Variants in HLCS observed in about 807,000 individuals in gnomAD.
The protein encoded by HLCS is holocarboxylase synthetase.
A neutral mutation model predicts 75.0 loss-of-function variants in HLCS; 53 were observed. That is an observed-to-expected ratio of 0.71 (90% CI 0.57 to 0.89). The LOEUF (loss-of-function observed/expected upper bound fraction) is 0.89, where lower values mean the gene tolerates loss of function less well. Among genes scored for constraint, HLCS ranks in the 40% least tolerant of loss-of-function variants. HLCS has a pLI of 0.00. For missense variants in HLCS, 966 were observed against 1,074.0 expected (o/e 0.90, Z 1.41); for synonymous variants, 431 against 428.6 (o/e 1.01, Z -0.07).
chr21:36,930,106 C>G, intron 5 of HLCS, 145 bp downstream of exon 5: 1 of 757,642 alleles, frequency 1.3e-6, no homozygotes, highest in East Asian at 2.6e-5. Context: ...AATATTTGCA[C>G]ATCTTGAAGA....
chr21:36,756,275 A>C (rs1301142899), intron 10 of HLCS, among the ~76,000 whole-genome samples: 1 of 148,356 alleles, frequency 6.7e-6, no homozygotes, highest in African/African-American at 2.6e-5. Flanking sequence ...CACCTCCACT[A>C]AAAATACAAA....
chr21:36,952,789 CAA>C (rs35700333), intron 2 of HLCS, among the ~76,000 whole-genome samples: 29 of 48,866 alleles, frequency 5.9e-4, no homozygotes, highest in African/African-American at 1.5e-3. Context: ...GACTCCGTCT[CAA>C]AAAAAAAAAA....
chr21:36,773,123 A>G (rs1042429235), intron 6 of HLCS, among the ~76,000 whole-genome samples: 7 of 152,208 alleles, frequency 4.6e-5, no homozygotes, highest in Admixed American at 3.9e-4. Context: ...GAATTTTCCA[A>G]TATTTTTATA....
At chr21:36,947,336 A>C (rs1474149446) in intron 2 of HLCS, 2 of 985,356 alleles carry the variant, frequency 2.0e-6, no homozygotes, top group Non-Finnish European at 2.4e-6. Flanking sequence ...TCCTCACCTA[A>C]GTGCATTTCC....
chr21:36,798,414 T>C (rs557717350), intron 6 of HLCS, among the ~76,000 whole-genome samples: 2 of 152,356 alleles, frequency 1.3e-5, no homozygotes, highest in East Asian at 3.9e-4. Context: ...ATGATGACTA[T>C]TTATGTTGTT....
intron 5 of HLCS, among the ~76,000 whole-genome samples, chr21:36,909,193 T>C (rs944447062): frequency 6.6e-6 from 1 of 151,900 alleles, no homozygotes; most frequent in Admixed American, 6.6e-5. Flanking sequence ...CGAGACTCCA[T>C]CTCAAAAAAA....
intron 6 of HLCS, among the ~76,000 whole-genome samples, chr21:36,848,268 G>GT (rs1434350930): frequency 7.4e-4 from 98 of 132,796 alleles, no homozygotes; most frequent in Non-Finnish European, 1.3e-3. Flanking sequence ...CCACATAATT[G>GT]TTGTTTTTTT....
rs1306635053 is a variant in HLCS, at chr21:36,756,668, A to G, written c.2324T>C (p.Leu775Pro). The change falls in exon 10 of 11, where the codon CTG (leucine) becomes CCG (proline). Residue 775 changes from leucine to proline, a missense_variant. Physicochemically the swap from Leu to Pro is moderately conservative, Grantham distance 98. Transcript: ENST00000674895. ...GAGATAATCGGCTCTTAAGGGCTTC[A>G]GTTCTGCCTTGTGTTGTTTATTGTA... Reference protein sequence around the residue: ...TEYNKQHKAELKPLRADYLIA... With the variant: ...TEYNKQHKAEPKPLRADYLIA... 6.2e-7 allele frequency: 1 copy of G among 1,614,020 alleles called. No homozygotes were observed. Among genetic ancestry groups the G allele is most frequent in the Non-Finnish European group, 8.5e-7 (1 of 1,180,046 alleles).
intron 6 of HLCS, 49 bp from the exon 7 acceptor site, chr21:36,767,334 C>A (rs752228732): frequency 3.2e-6 from 5 of 1,550,298 alleles, no homozygotes; most frequent in Non-Finnish European, 8.9e-7. Flanking sequence ...GACACGCCCG[C>A]GGCACCAATG....
intron 6 of HLCS, among the ~76,000 whole-genome samples, chr21:36,859,264 GC>G (rs1279369228): frequency 6.6e-6 from 1 of 152,066 alleles, no homozygotes; most frequent in African/African-American, 2.4e-5. Context: ...CTCGTGATCT[GC>G]CCCGCTTGGC....
At chr21:36,788,223 G>A (rs934475764) in intron 6 of HLCS, among the ~76,000 whole-genome samples, 1 of 152,188 alleles carries the variant, frequency 6.6e-6, no homozygotes, top group Non-Finnish European at 1.5e-5. Context: ...TAAGGGGCAC[G>A]TGCCACTGGC....
chr21:36,895,246 C>G (rs915443877), intron 6 of HLCS, among the ~76,000 whole-genome samples: 2 of 152,240 alleles, frequency 1.3e-5, no homozygotes, highest in Non-Finnish European at 2.9e-5. Context: ...AATAACTTGT[C>G]TCATTTTTTT....
chr21:36,957,838 A>G (rs556071683), intron 2 of HLCS, among the ~76,000 whole-genome samples: 271 of 151,418 alleles, frequency 1.8e-3, no homozygotes, highest in Non-Finnish European at 2.9e-3. Context: ...CTGAGGAAGG[A>G]GAATGGCATG....
At chr21:36,810,880 T>A (rs1234552866) in intron 6 of HLCS, among the ~76,000 whole-genome samples, 1 of 152,158 alleles carries the variant, frequency 6.6e-6, no homozygotes, top group African/African-American at 2.4e-5. Context: ...AGAGGCCCTG[T>A]CAAAAGGAGA....
rs2089425105 is a variant in HLCS at position 36,752,967 on chromosome 21, C to CT, written c.*1278dup. On this transcript the variant is annotated 3_prime_UTR_variant, in exon 11 of 11. Coordinates refer to ENST00000674895, the MANE Select transcript of HLCS (RefSeq NM_001352514.2). ...GAGAGAAAACTGGACAAAAATTGGC[C>CT]TTTTAAAAAGCTGAAAAGTAATGAG... 1 of 152,558 alleles carries CT rather than the reference C, an allele frequency of 6.6e-6. No individual in the cohort carries two copies. The highest frequency in any genetic ancestry group is 1.5e-5 in the Non-Finnish European group (1 of 68,048). The allele number at this position is 152,558 out of a possible 1,614,324, so 9.5% of individuals were successfully genotyped here. A position where few individuals can be genotyped will look rare whatever the true frequency, so the allele number is the denominator to read the frequency against.
intron 6 of HLCS, among the ~76,000 whole-genome samples, chr21:36,887,031 G>A (rs2064498930): frequency 6.6e-6 from 1 of 152,016 alleles, no homozygotes; most frequent in Admixed American, 6.6e-5. Context: ...GCAGGAGGCT[G>A]GGGCAGGATA....
At chr21:36,874,114 A>C (rs768320654) in intron 6 of HLCS, among the ~76,000 whole-genome samples, 6 of 152,300 alleles carry the variant, frequency 3.9e-5, no homozygotes, top group Admixed American at 1.3e-4. Flanking sequence ...TTCTTTTCCT[A>C]TATGGAGCAC....
At chr21:36,943,040 G>A (rs2067221345) in intron 2 of HLCS, among the ~76,000 whole-genome samples, 1 of 152,084 alleles carries the variant, frequency 6.6e-6, no homozygotes, top group African/African-American at 2.4e-5. Context: ...GAGACACAAA[G>A]TCATACCCAC....
intron 6 of HLCS, among the ~76,000 whole-genome samples, chr21:36,790,317 T>C (rs545643023): frequency 1.3e-5 from 2 of 152,192 alleles, no homozygotes; most frequent in South Asian, 4.2e-4. Context: ...GGCAGGAGAA[T>C]TGCTTGAACC....
Sources: allele counts gnomAD v4.1 joint callset (sites outside exome capture counted in the v4.1 genomes callset), GRCh38; gene constraint gnomAD v4.1.1; transcripts MANE v1.5; gene names NCBI Gene and HGNC (gene_info 2026-07-23, HGNC 2026-07-21).